FAT3: variants seen among roughly 807,000 people sequenced by gnomAD.
The protein encoded by FAT3 is FAT atypical cadherin 3.
Under a neutral mutation model 310.2 loss-of-function variants are expected in FAT3, and 95 were observed. The observed-to-expected ratio is 0.31, with a 90% CI of 0.26 to 0.36. The LOEUF (loss-of-function observed/expected upper bound fraction) is 0.36, where lower values mean the gene tolerates loss of function less well. Among genes scored for constraint, FAT3 ranks in the 10% least tolerant of loss-of-function variants. FAT3 has a pLI of 1.00. For missense variants in FAT3, 5,408 were observed against 5,715.6 expected, an observed-to-expected ratio of 0.95 and a Z score of 1.74; for synonymous variants, 2,314 against 2,192.9, an observed-to-expected ratio of 1.06 and a Z score of -1.54.
chr11:92,538,890 T>C (rs1591421602), intron 3 of FAT3, among the ~76,000 whole-genome samples: 1 of 152,120 alleles, frequency 6.6e-6, no homozygotes, highest in South Asian at 2.1e-4. Context: ...TCTGAGAACA[T>C]GAGTGAGGAG....
chr11:92,295,852 C>G (rs79065016), intron 1 of FAT3, among the ~76,000 whole-genome samples: 2,813 of 152,080 alleles, frequency 0.018, 84 homozygotes, highest in African/African-American at 0.063. Context: ...TTTTAAAAGC[C>G]CAGGACTCAC....
chr11:92,598,230 A>ATATTT (rs756896313), intron 3 of FAT3, among the ~76,000 whole-genome samples: 2,770 of 134,368 alleles, frequency 0.021, 37 homozygotes, highest in Non-Finnish European at 0.029. Context: ...ATATATATAT[A>ATATTT]TTTTTTTTTT....
At chr11:92,755,674 TA>T (rs1945972416) in intron 4 of FAT3, among the ~76,000 whole-genome samples, 1 of 152,168 alleles carries the variant, frequency 6.6e-6, no homozygotes, top group Non-Finnish European at 1.5e-5. Flanking sequence ...ATTTGTCAAC[TA>T]AAAAAATTAG....
chr11:92,389,058 C>G (rs1449526810), intron 2 of FAT3, among the ~76,000 whole-genome samples: 2 of 152,140 alleles, frequency 1.3e-5, no homozygotes, highest in African/African-American at 4.8e-5. Flanking sequence ...CCTGCCATAC[C>G]CAGTAGGTGC....
Position 92,883,471 on chromosome 11 carries a change from A to G in FAT3, c.12937+78A>G, listed in dbSNP as rs1365981759. 2 of 1,504,726 alleles carry G rather than the reference A, an allele frequency of 1.3e-6. No individual in the cohort carries two copies. The highest frequency in any genetic ancestry group is 1.8e-6 in the Non-Finnish European group (2 of 1,121,282). The allele number at this position is 1,504,726 out of a possible 1,614,324, so 93.2% of individuals were successfully genotyped here. A position where few individuals can be genotyped will look rare whatever the true frequency, so the allele number is the denominator to read the frequency against. On this transcript the variant is annotated intron_variant, in intron 24 of 27. Transcript: ENST00000525166. The surrounding 1 kb of genome is among the most constrained non-coding windows in gnomAD (Gnocchi z 4.2). ...GGGCGCTGTGCGAGGACGCTACGGG[A>G]AGGGAGAGAGACCCCGCATGCAGAG...
At chr11:92,532,657 G>A (rs970850867) in intron 3 of FAT3, among the ~76,000 whole-genome samples, 1 of 152,106 alleles carries the variant, frequency 6.6e-6, no homozygotes, top group Non-Finnish European at 1.5e-5. Flanking sequence ...GATTTGGCTG[G>A]TAACGAAATT....
intron 1 of FAT3, among the ~76,000 whole-genome samples, chr11:92,343,492 T>C (rs1948325460): frequency 6.6e-6 from 1 of 152,202 alleles, no homozygotes; most frequent in Non-Finnish European, 1.5e-5. Context: ...TTTCAGGATA[T>C]TTTTGACTTG....
At chr11:92,847,843 G>A (rs909266487) in intron 19 of FAT3, among the ~76,000 whole-genome samples, 2 of 152,082 alleles carry the variant, frequency 1.3e-5, no homozygotes, top group Non-Finnish European at 2.9e-5. Context: ...TAAGGTAAGC[G>A]TTAGGCATTT....
At chr11:92,263,952 C>G (rs2134314598) in intron 1 of FAT3, among the ~76,000 whole-genome samples, 1 of 152,128 alleles carries the variant, frequency 6.6e-6, no homozygotes, top group East Asian at 1.9e-4. Flanking sequence ...AGGCAGTGCT[C>G]TGAGAAGTGC....
chr11:92,465,915 A>G (rs1951748180), intron 2 of FAT3, among the ~76,000 whole-genome samples: 1 of 152,198 alleles, frequency 6.6e-6, no homozygotes, highest in Non-Finnish European at 1.5e-5. Flanking sequence ...GATTGGAGAT[A>G]ATTCCTAAGA....
chr11:92,378,803 C>G lies in FAT3; in HGVS notation c.3292+23399C>G, dbSNP rs139603462. The stretch of plus-strand genomic sequence containing the variant: ...TGCAAGGAGCCGACAGATTCAGTGT[C>G]TGGTGAGGACCTGCTTTCTGGTTCA... On this transcript the variant is annotated intron_variant, in intron 2 of 27. Coordinates refer to ENST00000525166, the MANE Select transcript of FAT3 (RefSeq NM_001367949.2). 3.3e-5 allele frequency among the ~76,000 whole-genome samples: 5 copies of G among 152,278 alleles called. No individual in the cohort carries two copies. The East Asian group carries it at 9.7e-4, about 29-fold the overall frequency.
chr11:92,776,821 A>G (rs983411836), intron 7 of FAT3, among the ~76,000 whole-genome samples: 6 of 152,152 alleles, frequency 3.9e-5, no homozygotes, highest in Admixed American at 3.3e-4. Flanking sequence ...AGAGTTTCCA[A>G]AGTACATACT....
chr11:92,860,594 C>A (rs3858369), intron 21 of FAT3, among the ~76,000 whole-genome samples: 126,183 of 152,174 alleles, frequency 0.83, 52,603 homozygotes, highest in African/African-American at 0.9. Context: ...GCCTTTTCAC[C>A]TGGAAATGGC....
At chr11:92,363,645 A>G (rs1948937807) in intron 2 of FAT3, among the ~76,000 whole-genome samples, 1 of 152,086 alleles carries the variant, frequency 6.6e-6, no homozygotes, top group African/African-American at 2.4e-5. Flanking sequence ...TTGAGATGAT[A>G]TTTTTACTCT....
chr11:92,404,113 C>T (rs1414369261), intron 2 of FAT3, among the ~76,000 whole-genome samples: 1 of 152,024 alleles, frequency 6.6e-6, no homozygotes, highest in South Asian at 2.1e-4. Context: ...AGAAAAACAA[C>T]TACAGGTTTT....
intron 4 of FAT3, among the ~76,000 whole-genome samples, chr11:92,750,278 C>G (rs747191314): frequency 1.3e-5 from 2 of 151,986 alleles, no homozygotes; most frequent in Non-Finnish European, 2.9e-5. Flanking sequence ...TAAAATAGCT[C>G]GCAGCAATCA....
rs114258224 is a variant in FAT3, at chr11:92,536,635, A to G, written c.3607+11687A>G. On this transcript the variant is annotated intron_variant, in intron 3 of 27. Transcript: ENST00000525166. Reference sequence around the variant, plus strand: ...GACGGAATTTGTTTTAGCTAATTCAATGTCCACATTGTATGATTAAGGCCT... The same window carrying G: ...GACGGAATTTGTTTTAGCTAATTCAGTGTCCACATTGTATGATTAAGGCCT... Among the ~76,000 whole-genome samples the G allele has an allele frequency of 7.0e-3, 1,072 of 152,344 alleles. 13 individuals are homozygous for G. The highest frequency in any genetic ancestry group is 0.022 in the African/African-American group (935 of 41,586).
chr11:92,455,093 A>G (rs545737417), intron 2 of FAT3, among the ~76,000 whole-genome samples: 154 of 152,320 alleles, frequency 1.0e-3, no homozygotes, highest in African/African-American at 3.6e-3. Flanking sequence ...AAATCAGGAT[A>G]GTAAGGCTGT....
Position 92,675,048 on chromosome 11 carries a change from T to C in FAT3, c.3608-22336T>C, listed in dbSNP as rs76356678. On this transcript the variant is annotated intron_variant, in intron 3 of 27. Transcript: ENST00000525166. Reference sequence around the variant, plus strand: ...TATCATTTTAGTAGGATGAGAATGCTTGTTACCCTCATGATTTAAAAAGGT... The same window carrying C: ...TATCATTTTAGTAGGATGAGAATGCCTGTTACCCTCATGATTTAAAAAGGT... 8.7e-3 allele frequency among the ~76,000 whole-genome samples: 1,332 copies of C among 152,280 alleles called. 62 individuals carry two copies. The East Asian group carries it at 0.15, about 18-fold the overall frequency.
Sources: allele counts gnomAD v4.1 joint callset (sites outside exome capture counted in the v4.1 genomes callset), GRCh38; gene constraint gnomAD v4.1.1; non-coding constraint Gnocchi (gnomAD v3.1); transcripts MANE v1.5; gene names NCBI Gene and HGNC (gene_info 2026-07-23, HGNC 2026-07-21).